Variants in LOC400499 observed in about 807,000 individuals in gnomAD.
At chr16:11,500,895 G>T in the LOC400499 span, 1 of 399,034 alleles carries the variant, frequency 2.5e-6, no homozygotes, top group African/African-American at 2.1e-5. Context: ...CACCGCGGCT[G>T]ATGCGATGAG....
the LOC400499 span, chr16:11,450,561 C>A: frequency 2.0e-6 from 3 of 1,514,076 alleles, no homozygotes; most frequent in African/African-American, 1.4e-5. Context: ...AGAAAAAGAT[C>A]TCAGTGGCAG....
chr16:11,478,728 T>C, the LOC400499 span: 1 of 398,934 alleles, frequency 2.5e-6, no homozygotes, highest in Non-Finnish European at 4.4e-6. Context: ...ACAGTCAGGG[T>C]TAGCAGAGTG....
chr16:11,387,588 A>T, the LOC400499 span, among the ~76,000 whole-genome samples: 2 of 152,120 alleles, frequency 1.3e-5, no homozygotes, highest in Non-Finnish European at 2.9e-5. Context: ...CTTGGGCAGC[A>T]TGGGCTTATG....
the LOC400499 span, among the ~76,000 whole-genome samples, chr16:11,480,844 G>A: frequency 6.6e-6 from 1 of 152,160 alleles, no homozygotes; most frequent in African/African-American, 2.4e-5. Flanking sequence ...CAAATTATAA[G>A]TACACACCAC....
At chr16:11,459,478 G>C in the LOC400499 span, among the ~76,000 whole-genome samples, 1 of 152,224 alleles carries the variant, frequency 6.6e-6, no homozygotes, top group East Asian at 1.9e-4. Flanking sequence ...TTACAGGCAT[G>C]AGCCACTGCG....
At chr16:11,379,758 G>C in the LOC400499 span, among the ~76,000 whole-genome samples, 59 of 152,246 alleles carry the variant, frequency 3.9e-4, no homozygotes, top group Non-Finnish European at 5.0e-4. Flanking sequence ...GTCCCTTTGT[G>C]TTTAATTGAT....
the LOC400499 span, chr16:11,384,226 A>T: frequency 2.0e-5 from 25 of 1,231,964 alleles, no homozygotes; most frequent in Non-Finnish European, 2.5e-5. Flanking sequence ...CTGCCAGGCC[A>T]GGCTGAGCTC....
At chr16:11,475,417 T>C in the LOC400499 span, among the ~76,000 whole-genome samples, 1 of 152,238 alleles carries the variant, frequency 6.6e-6, no homozygotes, top group Non-Finnish European at 1.5e-5. Context: ...GTTCTGTGGA[T>C]TTGTGTTCCT....
At chr16:11,386,227 G>A in the LOC400499 span, among the ~76,000 whole-genome samples, 1 of 152,194 alleles carries the variant, frequency 6.6e-6, no homozygotes, top group Non-Finnish European at 1.5e-5. Context: ...AGTCTAGCCA[G>A]TGCGGCCCCT....
the LOC400499 span, chr16:11,441,044 T>C: frequency 2.5e-6 from 1 of 399,064 alleles, no homozygotes; most frequent in South Asian, 1.3e-4. Context: ...TCCGGTGGAC[T>C]TTCAAAGTGG....
At chr16:11,455,064 G>C in the LOC400499 span, among the ~76,000 whole-genome samples, 15 of 152,236 alleles carry the variant, frequency 9.9e-5, no homozygotes, top group East Asian at 2.7e-3. Flanking sequence ...TGAAAATTCT[G>C]TAATTAGTAG....
At chr16:11,501,106 G>A in the LOC400499 span, 6 of 332,640 alleles carry the variant, frequency 1.8e-5, no homozygotes, top group East Asian at 1.1e-4. Context: ...GGGCTGACCC[G>A]GGTCTGGGAC....
the LOC400499 span, among the ~76,000 whole-genome samples, chr16:11,415,502 C>A: frequency 3.3e-5 from 5 of 152,216 alleles, no homozygotes; most frequent in Non-Finnish European, 5.9e-5. Context: ...GGGTAACACA[C>A]GGGAGAGGAC....
the LOC400499 span, chr16:11,401,489 T>C: frequency 2.5e-6 from 1 of 399,054 alleles, no homozygotes. Flanking sequence ...ACCTTCTCCA[T>C]CGAGGTCAAG....
the LOC400499 span, among the ~76,000 whole-genome samples, chr16:11,435,345 C>CT: frequency 6.6e-6 from 1 of 152,132 alleles, no homozygotes; most frequent in Non-Finnish European, 1.5e-5. Context: ...AGCTCCTGAA[C>CT]TCAAGCAATC....
chr16:11,432,012 GC>G, the LOC400499 span, among the ~76,000 whole-genome samples: 2 of 152,184 alleles, frequency 1.3e-5, no homozygotes, highest in African/African-American at 4.8e-5. Flanking sequence ...AGTCTGACCA[GC>G]CTGAGACCGC....
chr16:11,390,129 A>C, the LOC400499 span: 1 of 1,232,368 alleles, frequency 8.1e-7, no homozygotes, highest in Non-Finnish European at 1.0e-6. Flanking sequence ...GTACAGGTCC[A>C]GCAGTGGTTT....
the LOC400499 span, among the ~76,000 whole-genome samples, chr16:11,447,268 T>C: frequency 6.6e-6 from 1 of 152,180 alleles, no homozygotes; most frequent in East Asian, 1.9e-4. Flanking sequence ...ACTTGACTGT[T>C]CTGTGCCTCA....
the LOC400499 span, chr16:11,462,037 G>T: frequency 1.6e-6 from 2 of 1,246,560 alleles, no homozygotes; most frequent in Non-Finnish European, 2.1e-6. Context: ...GCAGTGATGA[G>T]GACCATAAGG....
Sources: gnomAD v4.1 joint callset for allele counts (sites outside exome capture counted in the v4.1 genomes callset) on GRCh38, gnomAD v4.1.1 for gene constraint, MANE v1.5 for transcripts.